The following NEK4 variants were observed in gnomAD, a reference collection of about 807,000 sequenced individuals.
NEK4 encodes NIMA related kinase 4.
In NEK4, 86 loss-of-function variants were observed where a neutral mutation model predicts 98.4. That is an observed-to-expected ratio of 0.87 (90% CI 0.73 to 1.05). NEK4 has a LOEUF of 1.05. Ranked by LOEUF, NEK4 falls within the 50% of genes least tolerant of loss-of-function variation. The probability of loss-of-function intolerance (pLI) is 0.00; values close to 1 mark genes in which losing one functional copy is unlikely to be tolerated. For missense variants in NEK4, 898 were observed against 950.3 expected (o/e 0.94, Z 0.72); for synonymous variants, 328 against 342.2 (o/e 0.96, Z 0.46).
Position 52,770,901 on chromosome 3 carries a change from C to G in NEK4, c.-155G>C, listed in dbSNP as rs1698760602. The G allele has an allele frequency of 4.7e-6, 3 of 633,532 alleles. No homozygotes were observed. The highest frequency in any genetic ancestry group is 8.2e-6 in the Non-Finnish European group (3 of 367,342). The allele number at this position is 633,532 out of a possible 1,614,324, so 39.2% of individuals were successfully genotyped here. A position where few individuals can be genotyped will look rare whatever the true frequency, so the allele number is the denominator to read the frequency against. ...GGGATTGCTGGGGCCCGGCCCGCGA[C>G]GACGCCGCTGCCATAGCGATCCGGG... On this transcript the variant is annotated 5_prime_UTR_variant, in exon 1 of 16. Coordinates refer to ENST00000233027, the MANE Select transcript of NEK4 (RefSeq NM_003157.6).
At chr3:52,751,244 A>G (rs2097404397) in intron 7 of NEK4, among the ~76,000 whole-genome samples, 1 of 152,088 alleles carries the variant, frequency 6.6e-6, no homozygotes, top group Non-Finnish European at 1.5e-5. Flanking sequence ...TCACGAGGTC[A>G]GGAGATCGAG....
At chr3:52,721,592 T>C (rs1416112911) in intron 15 of NEK4, among the ~76,000 whole-genome samples, 1 of 151,886 alleles carries the variant, frequency 6.6e-6, no homozygotes, top group Admixed American at 6.6e-5. Context: ...TTTAATTAGC[T>C]AAGTGTGGTG....
At chr3:52,764,644 C>A (rs1698483107) in intron 4 of NEK4, among the ~76,000 whole-genome samples, 2 of 151,358 alleles carry the variant, frequency 1.3e-5, no homozygotes, top group South Asian at 2.1e-4. Context: ...AAAAAAAAAA[C>A]TTGCAGGTAC....
At position 52,710,790 on chromosome 3, in the gene NEK4, G is replaced by C. The variant is rs1193614113; in HGVS notation, c.*987C>G. 6.6e-6 allele frequency: 1 copy of C among 152,052 alleles called. No homozygotes were observed. Among genetic ancestry groups the C allele is most frequent in the Non-Finnish European group, 1.5e-5 (1 of 68,002 alleles). 9.4% of individuals were successfully genotyped at this position (152,052 alleles called of 1,614,324 possible). A position where few individuals can be genotyped will look rare whatever the true frequency, so the allele number is the denominator to read the frequency against. On this transcript the variant is annotated 3_prime_UTR_variant, in exon 16 of 16. Coordinates refer to ENST00000233027, the MANE Select transcript of NEK4 (RefSeq NM_003157.6). ...AAAAAAACACCTGAAAACATTTCTG[G>C]AGCAATATTTATTTTTAGAGTCCCT...
intron 2 of NEK4, among the ~76,000 whole-genome samples, chr3:52,767,478 G>A (rs780027592): frequency 5.3e-5 from 8 of 151,974 alleles, no homozygotes; most frequent in South Asian, 4.1e-4. Flanking sequence ...TTGGGAGGCC[G>A]AGGCAGGTGG....
chr3:52,745,785 T>C (rs13074853), intron 10 of NEK4, among the ~76,000 whole-genome samples: 69,345 of 151,964 alleles, frequency 0.46, 16,144 homozygotes, highest in Admixed American at 0.52. Flanking sequence ...TACAGTGGCA[T>C]GATCTCGGCT....
At position 52,751,947 on chromosome 3, in the gene NEK4, T is replaced by C; in HGVS notation, c.1353A>G (p.Gln451=). The C allele has an allele frequency of 6.2e-7, 1 of 1,613,306 alleles. No homozygotes were observed. Among genetic ancestry groups the C allele is most frequent in the South Asian group, 1.1e-5 (1 of 91,042 alleles). ...VKPLQPLIKE[Q]KPKDQSLALS... ...TATCACTCACCTGGTCCTTTGGCTT[T>C]TGTTCTTTGATTAGGGGCTGCAGAG... Residue 451 remains glutamine (Q), a synonymous_variant, in exon 7 of 16, where the codon CAA becomes CAG. Coordinates refer to ENST00000233027, the MANE Select transcript of NEK4 (RefSeq NM_003157.6).
At chr3:52,725,834 G>A (rs2097364031) in intron 15 of NEK4, among the ~76,000 whole-genome samples, 1 of 151,774 alleles carries the variant, frequency 6.6e-6, no homozygotes, top group East Asian at 1.9e-4. Context: ...AATGCATACA[G>A]AACATAAATT....
At chr3:52,713,465 AAAAAT>A (rs3075810) in intron 15 of NEK4, among the ~76,000 whole-genome samples, 51,152 of 151,774 alleles carry the variant, frequency 0.34, 9,562 homozygotes, top group Admixed American at 0.46. Context: ...CTATGCTGCA[AAAAAT>A]AAAATAAACA....
chr3:52,760,084 G>GC (rs1424747017), intron 6 of NEK4, among the ~76,000 whole-genome samples: 1 of 152,190 alleles, frequency 6.6e-6, no homozygotes, highest in Non-Finnish European at 1.5e-5. Context: ...GGGAGTGACT[G>GC]CTTAATGAGG....
intron 13 of NEK4, among the ~76,000 whole-genome samples, chr3:52,740,002 A>G (rs1404124648): frequency 6.6e-6 from 1 of 152,210 alleles, no homozygotes; most frequent in Non-Finnish European, 1.5e-5. Context: ...GGAACCTTGG[A>G]GACAGTCTAA....
At chr3:52,714,683 TC>T (rs563076967) in intron 15 of NEK4, among the ~76,000 whole-genome samples, 18 of 152,240 alleles carry the variant, frequency 1.2e-4, no homozygotes, top group Admixed American at 1.1e-3. Flanking sequence ...AGCAGCGTGG[TC>T]GGGCGCAAAG....
At chr3:52,750,817 GCTA>G (rs531866499) in intron 7 of NEK4, among the ~76,000 whole-genome samples, 82 of 152,088 alleles carry the variant, frequency 5.4e-4, no homozygotes, top group Non-Finnish European at 9.6e-4. Context: ...TGTGGTCCCA[GCTA>G]CTCAGGAGGC....
At chr3:52,770,055 T>C (rs1036935185) in intron 1 of NEK4, among the ~76,000 whole-genome samples, 1 of 152,108 alleles carries the variant, frequency 6.6e-6, no homozygotes, top group Non-Finnish European at 1.5e-5. Context: ...GTCTTAGTGA[T>C]AGATGAATAT....
chr3:52,712,751 ATGGCCTGC>A (rs1172587209), intron 15 of NEK4, among the ~76,000 whole-genome samples: 106 of 152,230 alleles, frequency 7.0e-4, no homozygotes, highest in African/African-American at 2.3e-3. Context: ...CTGCTGGTCG[ATGGCCTGC>A]TGGCATGCTG....
intron 15 of NEK4, among the ~76,000 whole-genome samples, chr3:52,719,644 C>T (rs1415078849): frequency 7.1e-6 from 1 of 141,150 alleles, no homozygotes; most frequent in Admixed American, 7.0e-5. Context: ...GTTCAAAGAA[C>T]AAAAAGGAAA....
intron 15 of NEK4, among the ~76,000 whole-genome samples, chr3:52,734,391 G>A (rs1162658111): frequency 2.7e-5 from 4 of 147,004 alleles, no homozygotes; most frequent in Admixed American, 7.2e-5. Flanking sequence ...CGGAGGTTGC[G>A]GTGAGCCAAT....
chr3:52,744,301 C>T lies in NEK4; in HGVS notation c.1832G>A (p.Arg611Gln), dbSNP rs201793694. 31 of 1,612,912 alleles carry T rather than the reference C, an allele frequency of 1.9e-5. No individual in the cohort carries two copies. The East Asian group carries it at 3.3e-4, about 17-fold the overall frequency. The change falls in exon 11 of 16, where the codon CGA becomes CAA. Residue 611 changes from arginine to glutamine, a missense_variant. By Grantham distance (43) the Arg-to-Gln change is conservative. Coordinates refer to ENST00000233027, the MANE Select transcript of NEK4 (RefSeq NM_003157.6). ...CCTCCTCTCTCTGGCTGATAATGGT[C>T]GATCCTTTAAAAGAAAGTCACAGAG... The part of the protein sequence containing the change: ...RSSEMSSSKD[R>Q]PLSARERRRL...
At chr3:52,725,572 C>T (rs893666448) in intron 15 of NEK4, among the ~76,000 whole-genome samples, 2 of 150,974 alleles carry the variant, frequency 1.3e-5, no homozygotes, top group Admixed American at 6.6e-5. Context: ...ACTTTTGTGA[C>T]ATCAATAACT....
Sources: gnomAD v4.1 joint callset for allele counts (sites outside exome capture counted in the v4.1 genomes callset) on GRCh38, gnomAD v4.1.1 for gene constraint, MANE v1.5 for transcripts, NCBI Gene and HGNC (gene_info 2026-07-23, HGNC 2026-07-21) for gene names.